MICU3: variants seen among roughly 807,000 people sequenced by gnomAD.
MICU3 encodes calcium uptake protein 3, mitochondrial.
In MICU3, 62 loss-of-function variants were observed where a neutral mutation model predicts 66.5. The observed-to-expected ratio is 0.93, with a 90% CI of 0.76 to 1.15. The LOEUF is 1.15. MICU3 is among the 50% of genes most tolerant of loss of function. MICU3 has a pLI of 0.00. For missense variants in MICU3, 779 were observed against 664.4 expected (o/e 1.17, Z -1.90); for synonymous variants, 308 against 240.7 (o/e 1.28, Z -2.59).
intron 1 of MICU3, among the ~76,000 whole-genome samples, chr8:17,057,412 A>G (rs892129238): frequency 1.3e-5 from 2 of 152,196 alleles, no homozygotes; most frequent in South Asian, 2.1e-4. Context: ...GTTACCTCCA[A>G]CCTGGAACAG....
At position 17,121,872 on chromosome 8, in the gene MICU3, T is replaced by A. The variant is rs1803219573; in HGVS notation, c.*1585T>A. ...TCACTTGCTTTGAAAGTTGATTTAA[T>A]TGACTGACTAAATGAAAATGCCTAC... On this transcript the variant is annotated 3_prime_UTR_variant, in exon 15 of 15. Coordinates refer to ENST00000318063, the MANE Select transcript of MICU3 (RefSeq NM_181723.3). 1 of 151,932 alleles carries A rather than the reference T, an allele frequency of 6.6e-6. No homozygotes were observed. Among genetic ancestry groups the A allele is most frequent in the African/African-American group, 2.4e-5 (1 of 41,554 alleles). 9.4% of individuals were successfully genotyped at this position (151,932 alleles called of 1,614,324 possible). A position where few individuals can be genotyped will look rare whatever the true frequency, so the allele number is the denominator to read the frequency against.
Position 17,120,734 on chromosome 8 carries a change from A to G in MICU3, c.*447A>G, listed in dbSNP as rs1474409042. ...ACTGTGAACTTATTTTCAGAGATGA[A>G]TATTGCTTGAGATTTATAATACCCT... is the stretch of plus-strand genomic sequence containing the variant. On this transcript the variant is annotated 3_prime_UTR_variant, in exon 15 of 15. Coordinates refer to ENST00000318063, the MANE Select transcript of MICU3 (RefSeq NM_181723.3). 2 of 152,466 alleles carry G rather than the reference A, an allele frequency of 1.3e-5. No homozygotes were observed. Among genetic ancestry groups the G allele is most frequent in the East Asian group, 1.9e-4 (1 of 5,196 alleles). 9.4% of individuals were successfully genotyped at this position (152,466 alleles called of 1,614,324 possible). A position where few individuals can be genotyped will look rare whatever the true frequency, so the allele number is the denominator to read the frequency against.
chr8:17,128,440 C>A, the MICU3 span, among the ~76,000 whole-genome samples: 1 of 152,134 alleles, frequency 6.6e-6, no homozygotes, highest in Non-Finnish European at 1.5e-5. Context: ...ATACAAAATA[C>A]AGAATACAGG....
chr8:17,065,625 C>T (rs1051627339), intron 2 of MICU3, among the ~76,000 whole-genome samples: 1 of 152,028 alleles, frequency 6.6e-6, no homozygotes, highest in Non-Finnish European at 1.5e-5. Flanking sequence ...AGTAAAATAG[C>T]CAGAATTGCC....
intron 8 of MICU3, chr8:17,090,793 T>A (rs1799965672): frequency 8.0e-6 from 3 of 373,520 alleles, no homozygotes; most frequent in Middle Eastern, 7.1e-4. Flanking sequence ...ATTATATATC[T>A]TTAACTTTAG....
At chr8:17,084,065 A>G (rs973083209) in intron 5 of MICU3, among the ~76,000 whole-genome samples, 5 of 152,090 alleles carry the variant, frequency 3.3e-5, no homozygotes, top group Non-Finnish European at 7.4e-5. Context: ...AGGAGGTTGA[A>G]TTGAATAATT....
At chr8:17,049,628 G>A (rs187820852) in intron 1 of MICU3, 7 of 518,658 alleles carry the variant, frequency 1.3e-5, no homozygotes, top group East Asian at 5.5e-5. Context: ...AGGCCGGAAG[G>A]ATTGCAAAAC....
At chr8:17,086,279 T>C (rs1189402833) in intron 6 of MICU3, among the ~76,000 whole-genome samples, 2 of 152,098 alleles carry the variant, frequency 1.3e-5, no homozygotes, top group African/African-American at 4.8e-5. Flanking sequence ...CATCATTCTT[T>C]TTCTTAGTAG....
chr8:17,134,660 G>A, the MICU3 span, among the ~76,000 whole-genome samples: 1 of 152,242 alleles, frequency 6.6e-6, no homozygotes, highest in East Asian at 1.9e-4. Flanking sequence ...TAGCCAGGAT[G>A]GTCTCAATCT....
At chr8:17,050,622 A>C (rs943433114) in intron 1 of MICU3, among the ~76,000 whole-genome samples, 4 of 152,106 alleles carry the variant, frequency 2.6e-5, no homozygotes, top group African/African-American at 9.7e-5. Flanking sequence ...CATGATTGTG[A>C]ACTGATAAAT....
chr8:17,039,571 A>C (rs966601825), intron 1 of MICU3, among the ~76,000 whole-genome samples: 3 of 152,204 alleles, frequency 2.0e-5, no homozygotes, highest in African/African-American at 7.2e-5. Flanking sequence ...ATTTGGGTTT[A>C]ATGTGACTTC....
At chr8:17,064,721 A>T (rs998755899) in intron 2 of MICU3, among the ~76,000 whole-genome samples, 2 of 152,166 alleles carry the variant, frequency 1.3e-5, no homozygotes, top group African/African-American at 4.8e-5. Context: ...CTTAATATCT[A>T]ACTTAACAGA....
chr8:17,077,769 A>G lies in MICU3; in HGVS notation c.568-14A>G. ...TTGTTTACCAATTCATCAGTAGTAT[A>G]ACTTCTGTCATAGGAATTAAATCAA... On this transcript the variant is annotated splice_polypyrimidine_tract_variant and intron_variant, in intron 3 of 14. Coordinates refer to ENST00000318063, the MANE Select transcript of MICU3 (RefSeq NM_181723.3). 1 of 1,590,350 alleles carries G rather than the reference A, an allele frequency of 6.3e-7. No individual in the cohort carries two copies. The highest frequency in any genetic ancestry group is 8.6e-7 in the Non-Finnish European group (1 of 1,160,470).
chr8:17,078,923 GA>G (rs1449710347), intron 4 of MICU3, among the ~76,000 whole-genome samples: 3 of 152,108 alleles, frequency 2.0e-5, no homozygotes, highest in Non-Finnish European at 2.9e-5. Flanking sequence ...ATCTTAGGGT[GA>G]GATAATAGGA....
intron 2 of MICU3, among the ~76,000 whole-genome samples, chr8:17,067,440 T>C (rs559543139): frequency 6.6e-6 from 1 of 152,188 alleles, no homozygotes; most frequent in South Asian, 2.1e-4. Flanking sequence ...ATTTTTTTTT[T>C]TTTTCCCCAA....
chr8:17,071,634 G>C (rs1196050734), intron 3 of MICU3, among the ~76,000 whole-genome samples: 2 of 152,090 alleles, frequency 1.3e-5, no homozygotes, highest in Admixed American at 6.6e-5. Flanking sequence ...GATTAGAATA[G>C]AGGCACAGAA....
chr8:17,042,729 C>T (rs80105665), intron 1 of MICU3, among the ~76,000 whole-genome samples: 14,260 of 151,874 alleles, frequency 0.094, 873 homozygotes, highest in East Asian at 0.34. Flanking sequence ...GTCTTCTAAC[C>T]CTTCTAAAAC....
downstream of MICU3, among the ~76,000 whole-genome samples, chr8:17,126,998 T>C (rs1322872607): frequency 6.6e-6 from 1 of 152,198 alleles, no homozygotes; most frequent in Non-Finnish European, 1.5e-5. Flanking sequence ...GCATTTCCTA[T>C]ATGTGTATTA....
At chr8:17,126,479 T>C (rs1803407820), downstream of MICU3, among the ~76,000 whole-genome samples, 1 of 152,158 alleles carries the variant, frequency 6.6e-6, no homozygotes, top group African/African-American at 2.4e-5. Context: ...CATATTTAAC[T>C]CCATAGTTAC....
Sources: allele counts gnomAD v4.1 joint callset (sites outside exome capture counted in the v4.1 genomes callset), GRCh38; gene constraint gnomAD v4.1.1; transcripts MANE v1.5; gene names NCBI Gene and HGNC (gene_info 2026-07-23, HGNC 2026-07-21).